Variants in SUGCT observed in about 807,000 individuals in gnomAD.
SUGCT encodes the protein succinyl-CoA:glutarate-CoA transferase.
SUGCT carries 41 observed loss-of-function variants against 55.0 expected under a neutral mutation model. That is an observed-to-expected ratio of 0.74 (90% CI 0.58 to 0.97). SUGCT has a LOEUF of 0.97. SUGCT is among the 50% of genes least tolerant of loss of function. The pLI, the probability that SUGCT is intolerant of heterozygous loss-of-function variation, is 0.00. For synonymous variants in SUGCT, 187 were observed against 200.4 expected (o/e 0.93, Z 0.56); for missense variants, 568 against 547.8 (o/e 1.04, Z -0.37).
At chr7:40,389,441 C>CAAAACA (rs1361363061) in intron 9 of SUGCT, among the ~76,000 whole-genome samples, 1 of 42,238 alleles carries the variant, frequency 2.4e-5, no homozygotes, top group East Asian at 1.3e-3. Flanking sequence ...ACGCCTGTCT[C>CAAAACA]AAAACAAACA....
chr7:40,188,826 T>C (rs1670212133), intron 4 of SUGCT, among the ~76,000 whole-genome samples: 1 of 152,188 alleles, frequency 6.6e-6, no homozygotes, highest in Admixed American at 6.6e-5. Flanking sequence ...AATAATTTTA[T>C]GAAATAGAAA....
At chr7:40,147,991 A>T (rs1010652056) in intron 1 of SUGCT, among the ~76,000 whole-genome samples, 34 of 152,246 alleles carry the variant, frequency 2.2e-4, no homozygotes, top group African/African-American at 7.7e-4. Context: ...TCCCTGATGC[A>T]CATGGCCCCT....
At chr7:40,554,150 CATGTAAGTGGCATAGTGCCCGACACATT>C (rs1268485774) in intron 12 of SUGCT, among the ~76,000 whole-genome samples, 1 of 152,180 alleles carries the variant, frequency 6.6e-6, no homozygotes, top group Non-Finnish European at 1.5e-5. Flanking sequence ...TGTTGTAAGG[CATGTAAGTGGCATAGTGCCCGACACATT>C]ATGAGCACTC....
chr7:40,145,556 A>T (rs1229446927), intron 1 of SUGCT, among the ~76,000 whole-genome samples: 4 of 151,556 alleles, frequency 2.6e-5, no homozygotes, highest in Admixed American at 2.6e-4. Flanking sequence ...TTCCAAAGTG[A>T]ACTTCCTTCA....
At chr7:40,864,915 T>C (rs1160094209), downstream of SUGCT, among the ~76,000 whole-genome samples, 3 of 152,100 alleles carry the variant, frequency 2.0e-5, no homozygotes, top group African/African-American at 7.2e-5. Context: ...GTGAAGCAGC[T>C]CCTTTTTCTC....
chr7:40,735,528 A>G (rs1220451616), intron 12 of SUGCT, among the ~76,000 whole-genome samples: 1 of 152,118 alleles, frequency 6.6e-6, no homozygotes, highest in African/African-American at 2.4e-5. Flanking sequence ...AAGCACTAGA[A>G]CCAGCATTTG....
the SUGCT span, among the ~76,000 whole-genome samples, chr7:40,959,801 G>A: frequency 1.3e-5 from 2 of 152,174 alleles, no homozygotes; most frequent in African/African-American, 4.8e-5. Context: ...GGCACTGGTG[G>A]TGTAGGCACC....
intron 13 of SUGCT, among the ~76,000 whole-genome samples, chr7:40,757,477 C>T (rs570133687): frequency 5.3e-5 from 8 of 152,238 alleles, no homozygotes; most frequent in South Asian, 4.1e-4. Context: ...GTGGGCTTCC[C>T]GATAAGTGAA....
intron 7 of SUGCT, among the ~76,000 whole-genome samples, chr7:40,272,610 C>G (rs2150993921): frequency 6.6e-6 from 1 of 151,258 alleles, no homozygotes; most frequent in East Asian, 2.0e-4. Flanking sequence ...TCTTGGATAT[C>G]TACCCAGCTG....
chr7:40,515,219 A>G (rs1317624397), intron 12 of SUGCT, among the ~76,000 whole-genome samples: 2 of 152,158 alleles, frequency 1.3e-5, no homozygotes, highest in African/African-American at 2.4e-5. Flanking sequence ...TTCCTGATCC[A>G]CGGCCATCAT....
chr7:40,958,168 T>G, the SUGCT span, among the ~76,000 whole-genome samples: 3 of 152,134 alleles, frequency 2.0e-5, no homozygotes, highest in Non-Finnish European at 4.4e-5. Context: ...AGAGTATCTT[T>G]GTGGTGTTCT....
At chr7:40,806,560 C>CA (rs1247755968) in intron 13 of SUGCT, among the ~76,000 whole-genome samples, 5 of 152,004 alleles carry the variant, frequency 3.3e-5, no homozygotes, top group Non-Finnish European at 5.9e-5. Context: ...GTCTTATACC[C>CA]ATCCTTGGTT....
intron 12 of SUGCT, among the ~76,000 whole-genome samples, chr7:40,716,682 C>A (rs940110822): frequency 6.6e-6 from 1 of 151,884 alleles, no homozygotes; most frequent in Non-Finnish European, 1.5e-5. Flanking sequence ...CTAAGGTAAG[C>A]GTTTATCACA....
intron 9 of SUGCT, among the ~76,000 whole-genome samples, chr7:40,364,194 G>C (rs1263853672): frequency 6.6e-6 from 1 of 151,592 alleles, no homozygotes; most frequent in Non-Finnish European, 1.5e-5. Flanking sequence ...CTTTTATTTT[G>C]AGCCTATGTG....
At chr7:40,238,101 A>G (rs1789129855) in intron 7 of SUGCT, among the ~76,000 whole-genome samples, 2 of 152,156 alleles carry the variant, frequency 1.3e-5, no homozygotes. Context: ...AAAACAGTTG[A>G]CTAGACTAGA....
chr7:40,955,612 G>T, the SUGCT span, among the ~76,000 whole-genome samples: 6 of 152,078 alleles, frequency 3.9e-5, no homozygotes, highest in African/African-American at 1.4e-4. Flanking sequence ...CTTCCTATTT[G>T]AATCCCCTTT....
chr7:40,752,019 G>A (rs578023869), intron 13 of SUGCT, among the ~76,000 whole-genome samples: 11 of 152,298 alleles, frequency 7.2e-5, no homozygotes, highest in African/African-American at 2.6e-4. Flanking sequence ...AATGTATCAG[G>A]TAGCCATTGT....
intron 9 of SUGCT, among the ~76,000 whole-genome samples, chr7:40,346,277 A>G (rs1031535913): frequency 2.0e-5 from 3 of 152,040 alleles, no homozygotes; most frequent in Non-Finnish European, 4.4e-5. Context: ...GTTTTTCTAG[A>G]AATTTGCCCA....
At chr7:40,801,959 A>G (rs1212850633) in intron 13 of SUGCT, among the ~76,000 whole-genome samples, 1 of 148,544 alleles carries the variant, frequency 6.7e-6, no homozygotes, top group Non-Finnish European at 1.5e-5. Context: ...ATTCTCTTCT[A>G]GCAAATGTTA....
Sources: allele counts gnomAD v4.1 joint callset (sites outside exome capture counted in the v4.1 genomes callset), GRCh38; gene constraint gnomAD v4.1.1; transcripts MANE v1.5; gene names NCBI Gene and HGNC (gene_info 2026-07-23, HGNC 2026-07-21).